Variants in TTC34 observed in about 807,000 individuals in gnomAD.
TTC34 encodes tetratricopeptide repeat domain 34.
Under a neutral mutation model 40.7 loss-of-function variants are expected in TTC34, and 44 were observed. The ratio of observed to expected loss-of-function variants is 1.08; its 90% CI spans 0.85 to 1.39. The LOEUF is 1.39. Ranked by LOEUF, TTC34 falls within the 40% of genes most tolerant of loss-of-function variation. The pLI, the probability that TTC34 is intolerant of heterozygous loss-of-function variation, is 0.00. For synonymous variants in TTC34, 422 were observed against 398.6 expected, an observed-to-expected ratio of 1.06 and a Z score of -0.70; for missense variants, 884 against 838.0, an observed-to-expected ratio of 1.05 and a Z score of -0.68.
intron 6 of TTC34, among the ~76,000 whole-genome samples, chr1:2,750,838 T>G (rs1307300715): frequency 0.068 from 1,633 of 24,018 alleles, 244 homozygotes; most frequent in Admixed American, 0.11. Flanking sequence ...CCTGGAGCAG[T>G]ACCCACACAC....
At chr1:2,795,584 C>T (rs1385101261) in intron 2 of TTC34, among the ~76,000 whole-genome samples, 1 of 152,194 alleles carries the variant, frequency 6.6e-6, no homozygotes, top group Non-Finnish European at 1.5e-5. Flanking sequence ...CTACCATATT[C>T]TACTGGTCCC....
intron 6 of TTC34, among the ~76,000 whole-genome samples, chr1:2,690,480 G>T (rs1382757708): frequency 8.9e-4 from 98 of 109,802 alleles, no homozygotes; most frequent in African/African-American, 3.8e-3. Context: ...GCATCTGAAA[G>T]CCCGCAGCAT....
At chr1:2,794,499 T>C (rs541649229) in intron 2 of TTC34, among the ~76,000 whole-genome samples, 1 of 152,362 alleles carries the variant, frequency 6.6e-6, no homozygotes, top group East Asian at 1.9e-4. Context: ...AATACCTTTT[T>C]GTTGCTTCTT....
intron 6 of TTC34, among the ~76,000 whole-genome samples, chr1:2,692,396 A>T (rs1446218938): frequency 2.2e-5 from 2 of 89,050 alleles, no homozygotes; most frequent in African/African-American, 7.8e-5. Context: ...CCAGGTGAGC[A>T]TCTGGCAGCC....
intron 6 of TTC34, among the ~76,000 whole-genome samples, chr1:2,683,174 T>C (rs1640153998): frequency 1.5e-5 from 2 of 137,270 alleles, no homozygotes; most frequent in Non-Finnish European, 3.2e-5. Context: ...TCCGGCAGCC[T>C]GGAGCGGAAC....
intron 6 of TTC34, among the ~76,000 whole-genome samples, chr1:2,781,733 T>A (rs1194828392): frequency 1.3e-5 from 2 of 152,214 alleles, no homozygotes; most frequent in African/African-American, 4.8e-5. Context: ...CATAAAAGGG[T>A]GCTGAATTTT....
exon 5 of TTC34, chr1:2,785,959 C>T (rs1482344252): frequency 2.6e-6 from 4 of 1,517,142 alleles, no homozygotes; most frequent in Non-Finnish European, 3.5e-6. Context: ...GTCCTCGTGG[C>T]AGAAGACGTC....
rs1157965676 is a variant in TTC34 at position 2,683,821 on chromosome 1, A to C, written c.2227-38258T>G. On this transcript the variant is annotated intron_variant, in intron 6 of 8. Transcript: ENST00000401095. The stretch of plus-strand genomic sequence containing the variant: ...CCAGTTGAGCATCTGACAGCCGGGA[A>C]CAGCACCCACACCCCCAGGTGAACA... Among the ~76,000 whole-genome samples the C allele has an allele frequency of 2.9e-5, 4 of 139,078 alleles. No individual in the cohort carries two copies. In the East Asian group the frequency reaches 9.7e-4, roughly 34 times the overall value. The allele number at this position is 139,078 out of a possible 152,430, so 91.2% of individuals were successfully genotyped here. A position where few individuals can be genotyped will look rare whatever the true frequency, so the allele number is the denominator to read the frequency against.
chr1:2,753,451 C>A (rs1641394592), intron 6 of TTC34, among the ~76,000 whole-genome samples: 1 of 122,118 alleles, frequency 8.2e-6, no homozygotes, highest in Non-Finnish European at 1.7e-5. Flanking sequence ...GAACAGCAGC[C>A]TGCACCCCCA....
chr1:2,687,270 G>C (rs531553997), intron 6 of TTC34, among the ~76,000 whole-genome samples: 4 of 136,198 alleles, frequency 2.9e-5, no homozygotes, highest in Non-Finnish European at 4.6e-5. Context: ...TGATGGTCTG[G>C]AGCAGCACCC....
At chr1:2,750,747 G>A (rs1641292211) in intron 6 of TTC34, among the ~76,000 whole-genome samples, 5 of 69,498 alleles carry the variant, frequency 7.2e-5, no homozygotes, top group Admixed American at 1.8e-4. Flanking sequence ...GCATCTGATG[G>A]TCTGGAGCAG....
intron 6 of TTC34, among the ~76,000 whole-genome samples, chr1:2,750,227 T>A (rs1170463672): frequency 6.8e-6 from 1 of 148,116 alleles, no homozygotes; most frequent in African/African-American, 2.5e-5. Flanking sequence ...TCTGATGGTC[T>A]GGAGCAGCAC....
intron 6 of TTC34, among the ~76,000 whole-genome samples, chr1:2,777,753 G>A (rs1340065937): frequency 1.3e-5 from 2 of 152,066 alleles, no homozygotes; most frequent in Non-Finnish European, 2.9e-5. Context: ...GACGGGGCGA[G>A]GGCCTGCTGC....
intron 6 of TTC34, among the ~76,000 whole-genome samples, chr1:2,660,180 C>T (rs1457843538): frequency 1.2e-5 from 1 of 81,500 alleles, no homozygotes; most frequent in Non-Finnish European, 2.6e-5. Context: ...CCTGGAACAG[C>T]ACCCACACCC....
At chr1:2,654,186 G>A (rs1485026817) in intron 6 of TTC34, among the ~76,000 whole-genome samples, 3 of 150,432 alleles carry the variant, frequency 2.0e-5, no homozygotes, top group African/African-American at 7.4e-5. Flanking sequence ...GCGAGCATCC[G>A]ACAGCCTGGA....
chr1:2,677,905 T>C (rs1177032936), intron 6 of TTC34, among the ~76,000 whole-genome samples: 2 of 35,596 alleles, frequency 5.6e-5, no homozygotes, highest in Admixed American at 3.2e-4. Context: ...CAGGCGAGCA[T>C]CTGACAGCCT....
chr1:2,797,145 G>A (rs544779697), intron 2 of TTC34, among the ~76,000 whole-genome samples: 4 of 152,330 alleles, frequency 2.6e-5, no homozygotes, highest in Admixed American at 6.5e-5. Flanking sequence ...CCTGCACTCC[G>A]TATGCCCTTG....
intron 6 of TTC34, among the ~76,000 whole-genome samples, chr1:2,649,342 G>C (rs535549948): frequency 6.6e-6 from 1 of 152,076 alleles, no homozygotes; most frequent in East Asian, 1.9e-4. Flanking sequence ...GCATCTGACA[G>C]CCTAGAACGG....
chr1:2,685,205 G>A (rs1570810134), intron 6 of TTC34, among the ~76,000 whole-genome samples: 1 of 140,594 alleles, frequency 7.1e-6, no homozygotes, highest in East Asian at 2.1e-4. Context: ...ACACCCCCAG[G>A]TGAGCATCTG....
Sources: allele counts gnomAD v4.1 joint callset (sites outside exome capture counted in the v4.1 genomes callset), GRCh38; gene constraint gnomAD v4.1.1; transcripts MANE v1.5; gene names NCBI Gene and HGNC (gene_info 2026-07-23, HGNC 2026-07-21).